UNC13C: variants seen among roughly 807,000 people sequenced by gnomAD.
UNC13C encodes protein unc-13 homolog C.
UNC13C carries 174 observed loss-of-function variants against 245.4 expected under a neutral mutation model. That is an observed-to-expected ratio of 0.71 (90% CI 0.63 to 0.80). The LOEUF is 0.80. UNC13C is among the 30% of genes least tolerant of loss of function. The pLI is 0.00. For synonymous variants in UNC13C, 992 were observed against 895.1 expected (o/e 1.11, Z -1.93); for missense variants, 2,829 against 2,602.9 (o/e 1.09, Z -1.89).
At chr15:54,371,185 C>A (rs888563699) in intron 17 of UNC13C, among the ~76,000 whole-genome samples, 6 of 152,164 alleles carry the variant, frequency 3.9e-5, no homozygotes, top group African/African-American at 1.4e-4. Flanking sequence ...AACTCCTACC[C>A]CTGCCCGACC....
intron 4 of UNC13C, among the ~76,000 whole-genome samples, chr15:54,193,241 C>G (rs1010510466): frequency 8.5e-5 from 13 of 152,096 alleles, no homozygotes; most frequent in East Asian, 7.7e-4. Context: ...CGTTACATAT[C>G]TCCTTATGAA....
chr15:53,993,370 T>C (rs1425918924), intron 1 of UNC13C, among the ~76,000 whole-genome samples: 4 of 152,090 alleles, frequency 2.6e-5, no homozygotes, highest in African/African-American at 9.7e-5. Context: ...AGAGAGAGAA[T>C]GAGCACTTGA....
At chr15:54,445,319 G>T (rs567567311) in intron 19 of UNC13C, among the ~76,000 whole-genome samples, 19 of 152,160 alleles carry the variant, frequency 1.2e-4, no homozygotes, top group African/African-American at 4.3e-4. Context: ...ATAATCCTTT[G>T]GGTATATACC....
intron 2 of UNC13C, among the ~76,000 whole-genome samples, chr15:54,105,753 G>GAAGAATA (rs1197102180): frequency 1.1e-4 from 17 of 152,222 alleles, no homozygotes; most frequent in African/African-American, 3.6e-4. Flanking sequence ...ATAGAAGAAT[G>GAAGAATA]TGAAAGTGAA....
intron 2 of UNC13C, among the ~76,000 whole-genome samples, chr15:54,079,995 T>A (rs1745816724): frequency 8.2e-6 from 1 of 121,726 alleles, no homozygotes; most frequent in South Asian, 3.1e-4. Flanking sequence ...CAAGGCCTGG[T>A]TTGTCGAGCG....
chr15:54,600,147 G>A (rs906249532), intron 30 of UNC13C, among the ~76,000 whole-genome samples: 1 of 151,996 alleles, frequency 6.6e-6, no homozygotes, highest in Non-Finnish European at 1.5e-5. Context: ...ATTTGTCAGG[G>A]CATAATAAAT....
intron 19 of UNC13C, among the ~76,000 whole-genome samples, chr15:54,447,535 T>A (rs1360994457): frequency 6.6e-6 from 1 of 152,244 alleles, no homozygotes; most frequent in African/African-American, 2.4e-5. Context: ...ATCCATTTCT[T>A]CTAGATTTTC....
chr15:54,104,070 C>G (rs920536073), intron 2 of UNC13C, among the ~76,000 whole-genome samples: 1 of 152,186 alleles, frequency 6.6e-6, no homozygotes, highest in Non-Finnish European at 1.5e-5. Context: ...GATATTGTGT[C>G]GAGTCCTTTT....
chr15:54,525,487 A>T, intron 24 of UNC13C, 62 bp from the exon 25 acceptor site: 1 of 1,266,362 alleles, frequency 7.9e-7, no homozygotes, highest in African/African-American at 1.5e-5. Context: ...AATGCTTGTA[A>T]GCAAAACAGA....
chr15:54,191,805 G>A (rs2034193225), intron 4 of UNC13C, among the ~76,000 whole-genome samples: 1 of 152,012 alleles, frequency 6.6e-6, no homozygotes, highest in Non-Finnish European at 1.5e-5. Context: ...ATGACCAGTG[G>A]TGATGAGCTT....
At chr15:53,956,097 T>C in the UNC13C span, among the ~76,000 whole-genome samples, 1 of 152,176 alleles carries the variant, frequency 6.6e-6, no homozygotes, top group African/African-American at 2.4e-5. Flanking sequence ...ACACCACATG[T>C]TCTCACTTAT....
At chr15:54,390,290 T>C (rs911572716) in intron 17 of UNC13C, among the ~76,000 whole-genome samples, 1 of 152,194 alleles carries the variant, frequency 6.6e-6, no homozygotes, top group African/African-American at 2.4e-5. Context: ...TCTTATGTGA[T>C]ATCATGAAAG....
At chr15:54,111,661 T>G (rs1447572028) in intron 2 of UNC13C, among the ~76,000 whole-genome samples, 3 of 152,242 alleles carry the variant, frequency 2.0e-5, no homozygotes, top group Non-Finnish European at 4.4e-5. Flanking sequence ...TTATTTGCTC[T>G]ATACTCTGGT....
Position 54,538,660 on chromosome 15 carries a change from C to T in UNC13C, c.5696+5594C>T, listed in dbSNP as rs548743860. 3.9e-5 allele frequency among the ~76,000 whole-genome samples: 6 copies of T among 152,154 alleles called. No homozygotes were observed. In the South Asian group the frequency reaches 1.0e-3, roughly 26 times the overall value. ...TACATATACATCATGGAATACTACACAGCCATAAAAATGAATGAGATCATG... is the reference window on the plus strand; with the variant it reads ...TACATATACATCATGGAATACTACATAGCCATAAAAATGAATGAGATCATG... On this transcript the variant is annotated intron_variant, in intron 26 of 32. Transcript: ENST00000260323.
the UNC13C span, chr15:53,911,086 C>G: frequency 6.6e-6 from 1 of 152,218 alleles, no homozygotes; most frequent in African/African-American, 2.4e-5. Flanking sequence ...AAGGAATGCA[C>G]CTTTGCTGGC....
chr15:54,416,348 A>C (rs766552093), intron 19 of UNC13C, among the ~76,000 whole-genome samples: 4 of 152,106 alleles, frequency 2.6e-5, no homozygotes, highest in Non-Finnish European at 5.9e-5. Context: ...AGTTTTTCTT[A>C]TTTGGAAAAA....
At chr15:54,159,680 A>G (rs1485817000) in intron 4 of UNC13C, among the ~76,000 whole-genome samples, 1 of 152,342 alleles carries the variant, frequency 6.6e-6, no homozygotes, top group African/African-American at 2.4e-5. Flanking sequence ...TGGTAGATGT[A>G]TAAGGCTCAT....
intron 4 of UNC13C, among the ~76,000 whole-genome samples, chr15:54,187,802 TTTG>T (rs2034045978): frequency 1.3e-5 from 2 of 152,032 alleles, no homozygotes; most frequent in Admixed American, 1.3e-4. Context: ...CACTGTATGT[TTTG>T]TTTTTTTGTT....
intron 4 of UNC13C, among the ~76,000 whole-genome samples, chr15:54,232,415 A>G (rs533296579): frequency 6.6e-6 from 1 of 152,232 alleles, no homozygotes; most frequent in African/African-American, 2.4e-5. Context: ...CTCTGATGAG[A>G]TAAGCATAGG....
Sources: gnomAD v4.1 joint callset for allele counts (sites outside exome capture counted in the v4.1 genomes callset) on GRCh38, gnomAD v4.1.1 for gene constraint, MANE v1.5 for transcripts, NCBI Gene and HGNC (gene_info 2026-07-23, HGNC 2026-07-21) for gene names.